Variants in GFPT2 observed in about 807,000 individuals in gnomAD.
GFPT2 encodes the protein glutamine--fructose-6-phosphate aminotransferase [isomerizing] 2.
A neutral mutation model predicts 85.6 loss-of-function variants in GFPT2; 62 were observed. That is an observed-to-expected ratio of 0.72 (90% CI 0.59 to 0.90). The LOEUF is 0.90. GFPT2 is among the 40% of genes least tolerant of loss of function. The pLI, the probability that GFPT2 is intolerant of heterozygous loss-of-function variation, is 0.00. For missense variants in GFPT2, 788 were observed against 893.4 expected, an observed-to-expected ratio of 0.88 and a Z score of 1.50; for synonymous variants, 368 against 344.5, an observed-to-expected ratio of 1.07 and a Z score of -0.75.
In GFPT2 at chr5:180,322,079, G is replaced by A. The variant is rs145099399; in HGVS notation, c.794+2109C>T. Reference sequence around the variant, plus strand: ...TGGGATGACAGGCGTGAGCCACCACGCCCGGCCTGGACAGTCTTAATTACA... The same window carrying A: ...TGGGATGACAGGCGTGAGCCACCACACCCGGCCTGGACAGTCTTAATTACA... On this transcript the variant is annotated intron_variant, in intron 9 of 18. Transcript: ENST00000253778. Among the ~76,000 whole-genome samples, 487 of 152,270 alleles carry A rather than the reference G, an allele frequency of 3.2e-3. 4 individuals are homozygous for A. Among genetic ancestry groups the A allele is most frequent in the African/African-American group, 2.0e-3 (85 of 41,560 alleles).
intron 15 of GFPT2, among the ~76,000 whole-genome samples, chr5:180,308,984 C>T (rs1434608986): frequency 1.3e-5 from 2 of 152,096 alleles, no homozygotes; most frequent in African/African-American, 4.8e-5. Flanking sequence ...ATTCTCCTGC[C>T]TCAGCCTCCT....
At position 180,313,001 on chromosome 5, in the gene GFPT2, C is replaced by T. The variant is rs1423017015; in HGVS notation, c.1432-457G>A. Among the ~76,000 whole-genome samples, 174 of 151,890 alleles carry T rather than the reference C, an allele frequency of 1.1e-3. 1 individual carries two copies. The highest frequency in any genetic ancestry group is 2.1e-3 in the Non-Finnish European group (146 of 67,930). ...CGTGTTAGCCAGGATGGTCTCAAAC[C>T]CCTGACCTCAGGTGATCCCCCTGCC... On this transcript the variant is annotated intron_variant, in intron 14 of 18. Coordinates refer to ENST00000253778, the MANE Select transcript of GFPT2 (RefSeq NM_005110.4).
At chr5:180,343,007 C>T (rs1428287340) in intron 1 of GFPT2, among the ~76,000 whole-genome samples, 2 of 152,090 alleles carry the variant, frequency 1.3e-5, no homozygotes, top group African/African-American at 2.4e-5. Context: ...CACAGTTAAG[C>T]GAGGGAGGGA....
rs115140594 is a variant in GFPT2 at position 180,338,506 on chromosome 5, G to A, written c.102C>T (p.Gly34=). The A allele has an allele frequency of 4.0e-4, 634 of 1,602,108 alleles. 3 individuals are homozygous for A. The African/African-American group carries it at 6.2e-3, about 16-fold the overall frequency. The change falls in exon 2 of 19, where the codon GGC becomes GGT. Residue 34 remains glycine (G), a synonymous_variant. Transcript: ENST00000253778. ...CCGCACACCCACCTGCCGAGTCGTA[G>A]CCTCTGTACTCCAGCCGCTGCAGGC... ...IKGLQRLEYR[G]YDSAGVAIDG... is the part of the protein sequence containing the mutation.
chr5:180,349,924 C>T (rs866757839), intron 1 of GFPT2, among the ~76,000 whole-genome samples: 2 of 151,320 alleles, frequency 1.3e-5, no homozygotes, highest in Non-Finnish European at 2.9e-5. Context: ...CAGTATGGGA[C>T]GCACAGGGAC....
At chr5:180,301,965 G>A (rs994368922) in intron 18 of GFPT2, among the ~76,000 whole-genome samples, 2 of 151,178 alleles carry the variant, frequency 1.3e-5, no homozygotes, top group Admixed American at 1.3e-4. Flanking sequence ...TTAGGGTGGA[G>A]TGGGAAGGAA....
chr5:180,338,641 A>G, intron 1 of GFPT2, 41 bp from the exon 2 acceptor site: 1 of 1,246,732 alleles, frequency 8.0e-7, no homozygotes, highest in East Asian at 2.3e-5. Flanking sequence ...TAAAATACTC[A>G]GCTCGTGTTT....
At chr5:180,351,060 G>T (rs1372045959) in intron 1 of GFPT2, among the ~76,000 whole-genome samples, 4 of 152,218 alleles carry the variant, frequency 2.6e-5, no homozygotes, top group East Asian at 1.9e-4. Flanking sequence ...CAGTATCCTT[G>T]TACTAATAGC....
intron 2 of GFPT2, among the ~76,000 whole-genome samples, chr5:180,337,552 A>G (rs970310999): frequency 6.6e-6 from 1 of 152,148 alleles, no homozygotes; most frequent in African/African-American, 2.4e-5. Context: ...ATAATTAGGT[A>G]AAAACAAAAA....
In GFPT2 at chr5:180,330,712, G is replaced by C. The variant is rs373889799; in HGVS notation, c.522C>G (p.Val174=). The change falls in exon 6 of 19, where the codon GTC becomes GTG. Residue 174 remains valine (V), a synonymous_variant. Transcript: ENST00000253778. This position sits in a 1 kb window ranked among gnomAD's most constrained non-coding sequence, Gnocchi z 4.4. The part of the protein sequence containing the change: ...DITFSTLVER[V]IQQLEGAFAL... ...ATTTGTAACTCACCAACTGCTGAAT[G>C]ACTCTCTCGACCAACGTTGAAAACG... is the stretch of plus-strand genomic sequence containing the variant. The C allele has an allele frequency of 1.9e-6, 3 of 1,612,422 alleles. No homozygotes were observed. Among genetic ancestry groups the C allele is most frequent in the South Asian group, 1.1e-5 (1 of 91,016 alleles).
rs62404929 is a variant in GFPT2 at position 180,318,437 on chromosome 5, C to A, written c.958+356G>T. On this transcript the variant is annotated intron_variant, in intron 10 of 18. Coordinates refer to ENST00000253778, the MANE Select transcript of GFPT2 (RefSeq NM_005110.4). The surrounding 1 kb of genome is among the most constrained non-coding windows in gnomAD (Gnocchi z 4.2). Reference sequence around the variant, plus strand: ...GCTCTCCTTGTAGGGAGAAAGTGTACCCCCACCCCCCATTTACTGCAGACC... The same window carrying A: ...GCTCTCCTTGTAGGGAGAAAGTGTAACCCCACCCCCCATTTACTGCAGACC... 0.032 allele frequency among the ~76,000 whole-genome samples: 4,852 copies of A among 152,086 alleles called. 124 individuals are homozygous for A. Among genetic ancestry groups the A allele is most frequent in the Non-Finnish European group, 0.048 (3,245 of 67,976 alleles).
In GFPT2 at chr5:180,318,732, G is replaced by C. The variant is rs1184067829; in HGVS notation, c.958+61C>G. On this transcript the variant is annotated intron_variant, in intron 10 of 18. Coordinates refer to ENST00000253778, the MANE Select transcript of GFPT2 (RefSeq NM_005110.4). The surrounding 1 kb of genome is among the most constrained non-coding windows in gnomAD (Gnocchi z 4.2). ...CTACTAGGACCAGGCAGAGTGTCAG[G>C]AGCTCCACCAGGCGCGCTGGCTCCC... 2 of 1,428,694 alleles carry C rather than the reference G, an allele frequency of 1.4e-6. No homozygotes were observed. Among genetic ancestry groups the C allele is most frequent in the Non-Finnish European group, 2.0e-6 (2 of 1,024,600 alleles). The allele number at this position is 1,428,694 out of a possible 1,614,324, so 88.5% of individuals were successfully genotyped here. A position where few individuals can be genotyped will look rare whatever the true frequency, so the allele number is the denominator to read the frequency against.
At chr5:180,338,697 G>A in intron 1 of GFPT2, 97 bp from the exon 2 acceptor site, 1 of 698,608 alleles carries the variant, frequency 1.4e-6, no homozygotes, top group Non-Finnish European at 2.5e-6. Flanking sequence ...CATCACAAAG[G>A]TCTCCCAGGG....
chr5:180,349,405 T>A (rs57398977), intron 1 of GFPT2, among the ~76,000 whole-genome samples: 2 of 152,358 alleles, frequency 1.3e-5, no homozygotes, highest in East Asian at 3.9e-4. Context: ...TTAATCACTC[T>A]TTATAAGCTA....
chr5:180,305,145 A>G (rs988972446), intron 16 of GFPT2, among the ~76,000 whole-genome samples: 2 of 152,090 alleles, frequency 1.3e-5, no homozygotes, highest in Non-Finnish European at 2.9e-5. Context: ...CATCCAGAGC[A>G]TGCACCAGCC....
intron 2 of GFPT2, 139 bp from the exon 3 acceptor site, chr5:180,336,716 A>C: frequency 1.4e-6 from 1 of 700,970 alleles, no homozygotes; most frequent in East Asian, 2.5e-5. Context: ...GTTTTCAGGA[A>C]ATCTGCTCTG....
In GFPT2 at chr5:180,318,453, A is replaced by G. The variant is rs1198042167; in HGVS notation, c.958+340T>C. Among the ~76,000 whole-genome samples, 1 of 152,024 alleles carries G rather than the reference A, an allele frequency of 6.6e-6. No homozygotes were observed. The stretch of plus-strand genomic sequence containing the variant: ...GAAAGTGTACCCCCACCCCCCATTT[A>G]CTGCAGACCTGCAGACTTCCACCCA... On this transcript the variant is annotated intron_variant, in intron 10 of 18. Transcript: ENST00000253778. This position sits in a 1 kb window ranked among gnomAD's most constrained non-coding sequence, Gnocchi z 4.2.
chr5:180,339,607 C>T (rs1764471297), intron 1 of GFPT2, among the ~76,000 whole-genome samples: 1 of 152,192 alleles, frequency 6.6e-6, no homozygotes, highest in African/African-American at 2.4e-5. Flanking sequence ...TTTGTGATGA[C>T]AGATCCTTGA....
chr5:180,315,013 C>A (rs1347743069), intron 13 of GFPT2, among the ~76,000 whole-genome samples: 1 of 152,082 alleles, frequency 6.6e-6, no homozygotes, highest in East Asian at 1.9e-4. Flanking sequence ...AGGTGGTGGG[C>A]CGGATGGTCG....
Sources: gnomAD v4.1 joint callset for allele counts (sites outside exome capture counted in the v4.1 genomes callset) on GRCh38, gnomAD v4.1.1 for gene constraint, Gnocchi (gnomAD v3.1) non-coding constraint, MANE v1.5 for transcripts, NCBI Gene and HGNC (gene_info 2026-07-23, HGNC 2026-07-21) for gene names.